Variants in DYDC2 observed in about 807,000 individuals in gnomAD.
DYDC2 encodes DPY30 domain-containing protein 2.
DYDC2 carries 19 observed loss-of-function variants against 18.7 expected under a neutral mutation model. The ratio of observed to expected loss-of-function variants is 1.02; its 90% CI spans 0.71 to 1.49. The LOEUF (loss-of-function observed/expected upper bound fraction) is 1.49, where lower values mean the gene tolerates loss of function less well. DYDC2 is among the 40% of genes most tolerant of loss of function. The pLI, the probability that DYDC2 is intolerant of heterozygous loss-of-function variation, is 0.00. For missense variants in DYDC2, 179 were observed against 205.1 expected (o/e 0.87, Z 0.78); for synonymous variants, 63 against 67.6 (o/e 0.93, Z 0.34).
chr10:80,366,612 T>C, intron 4 of DYDC2, 76 bp from the exon 5 acceptor site: 1 of 1,491,384 alleles, frequency 6.7e-7, no homozygotes, highest in Non-Finnish European at 9.0e-7. Context: ...AAAATAGCAA[T>C]ACTGTGTTTT....
chr10:80,362,730 A>C, intron 3 of DYDC2, 140 bp downstream of exon 3: 1 of 1,394,578 alleles, frequency 7.2e-7, no homozygotes. Context: ...GATATCCCTG[A>C]AGCATGGGGA....
chr10:80,363,901 A>G (rs1489838746), intron 4 of DYDC2, among the ~76,000 whole-genome samples: 2 of 152,222 alleles, frequency 1.3e-5, no homozygotes, highest in Non-Finnish European at 2.9e-5. Context: ...GGAATAGCCG[A>G]AGACAACTCT....
chr10:80,365,389 C>CT (rs746349022), intron 4 of DYDC2, among the ~76,000 whole-genome samples: 1 of 152,174 alleles, frequency 6.6e-6, no homozygotes, highest in Non-Finnish European at 1.5e-5. Context: ...GCAGATGCAG[C>CT]TTTAAGTAAA....
chr10:80,362,363 G>A (rs1316597600), intron 2 of DYDC2, 72 bp from the exon 3 acceptor site: 25 of 1,542,036 alleles, frequency 1.6e-5, no homozygotes, highest in Non-Finnish European at 2.0e-5. Context: ...ATCTGAATTG[G>A]TTAGAATGTG....
chr10:80,351,883 C>T (rs1298652605), upstream of DYDC2: 2 of 1,612,860 alleles, frequency 1.2e-6, no homozygotes, highest in South Asian at 2.2e-5. Context: ...CCCCTCTGAA[C>T]TCTCCTACTT....
chr10:80,352,060 A>G, upstream of DYDC2: 2 of 1,539,956 alleles, frequency 1.3e-6, no homozygotes, highest in Non-Finnish European at 1.8e-6. Flanking sequence ...AATTTGTAAA[A>G]GCAATCTTGA....
At chr10:80,351,820 G>A, upstream of DYDC2, 3 of 1,289,694 alleles carry the variant, frequency 2.3e-6, no homozygotes, top group African/African-American at 3.0e-5. Flanking sequence ...GAGCTGGGAA[G>A]TTTATCAACA....
At chr10:80,351,767 T>C in intron 1 of DYDC2, 1 of 762,800 alleles carries the variant, frequency 1.3e-6, no homozygotes, top group Non-Finnish European at 2.1e-6. Flanking sequence ...GACACACACA[T>C]CCATAAAGAT....
chr10:80,348,371 T>C (rs1204721977), intron 1 of DYDC2, among the ~76,000 whole-genome samples: 3 of 152,216 alleles, frequency 2.0e-5, no homozygotes, highest in Non-Finnish European at 4.4e-5. Flanking sequence ...TGATAATGTT[T>C]CTTAATTCAT....
chr10:80,358,529 G>A (rs1048747841), intron 2 of DYDC2, among the ~76,000 whole-genome samples: 4 of 152,288 alleles, frequency 2.6e-5, no homozygotes, highest in Middle Eastern at 6.8e-3. Flanking sequence ...GGGCAATTTA[G>A]AGTAGGGGGA....
intron 4 of DYDC2, 34 bp downstream of exon 4, chr10:80,363,107 C>A: frequency 6.3e-7 from 1 of 1,595,580 alleles, no homozygotes; most frequent in Non-Finnish European, 8.5e-7. Flanking sequence ...GGTTGCCACA[C>A]ACATCCCAGT....
chr10:80,358,028 T>C lies in DYDC2; in HGVS notation c.-27T>C. On this transcript the variant is annotated 5_prime_UTR_variant, in exon 2 of 5. Transcript: ENST00000256039. The stretch of plus-strand genomic sequence containing the variant: ...AGGAGCTCTGGGAAACACTGAAAAA[T>C]AGCCTCTCCCCCCATTGGTGAGTGT... 7 of 985,338 alleles carry C rather than the reference T, an allele frequency of 7.1e-6. No homozygotes were observed. Among genetic ancestry groups the C allele is most frequent in the Non-Finnish European group, 7.2e-6 (6 of 830,038 alleles). 61.0% of individuals were successfully genotyped at this position (985,338 alleles called of 1,614,324 possible). A position where few individuals can be genotyped will look rare whatever the true frequency, so the allele number is the denominator to read the frequency against.
intron 2 of DYDC2, among the ~76,000 whole-genome samples, chr10:80,361,359 T>C (rs1843660208): frequency 6.6e-6 from 1 of 152,238 alleles, no homozygotes; most frequent in African/African-American, 2.4e-5. Context: ...GATGTTTACT[T>C]TGATTACTTG....
intron 2 of DYDC2, among the ~76,000 whole-genome samples, chr10:80,359,627 C>A (rs578155593): frequency 6.6e-6 from 1 of 152,134 alleles, no homozygotes; most frequent in Admixed American, 6.5e-5. Flanking sequence ...GCTGCATGTC[C>A]GGAGCCCCGT....
intron 1 of DYDC2, among the ~76,000 whole-genome samples, chr10:80,346,470 T>TTTTTC: frequency 7.2e-6 from 1 of 139,420 alleles, no homozygotes; most frequent in South Asian, 2.3e-4. Context: ...TTTTTTTTTT[T>TTTTTC]TCTTTTTTGA....
Position 80,366,955 on chromosome 10 carries a change from A to G in DYDC2, c.*4A>G, listed in dbSNP as rs1480040274. On this transcript the variant is annotated 3_prime_UTR_variant, in exon 5 of 5. Transcript: ENST00000256039. ...TGGCTCCAAATCTCCTTTTTAGGTT[A>G]CAGAAGGTAGATGCTTCTGATTTAC... 1 of 1,608,816 alleles carries G rather than the reference A, an allele frequency of 6.2e-7. No individual in the cohort carries two copies. Among genetic ancestry groups the G allele is most frequent in the Non-Finnish European group, 8.5e-7 (1 of 1,177,978 alleles).
intron 2 of DYDC2, among the ~76,000 whole-genome samples, chr10:80,359,813 C>G (rs943005004): frequency 6.6e-6 from 1 of 152,314 alleles, no homozygotes; most frequent in East Asian, 1.9e-4. Context: ...CGCGCCCACC[C>G]GGAACTTGCG....
upstream of DYDC2, chr10:80,351,891 C>T: frequency 1.2e-6 from 2 of 1,613,902 alleles, no homozygotes; most frequent in Non-Finnish European, 8.5e-7. Context: ...AACTCTCCTA[C>T]TTGCCTCACC....
At chr10:80,365,171 AC>A (rs748853348) in intron 4 of DYDC2, among the ~76,000 whole-genome samples, 8 of 152,226 alleles carry the variant, frequency 5.3e-5, no homozygotes, top group South Asian at 2.1e-4. Flanking sequence ...AAACAAAAAA[AC>A]ATCATGACTT....
Sources: allele counts gnomAD v4.1 joint callset (sites outside exome capture counted in the v4.1 genomes callset), GRCh38; gene constraint gnomAD v4.1.1; transcripts MANE v1.5; gene names NCBI Gene and HGNC (gene_info 2026-07-23, HGNC 2026-07-21).